ST6GALNAC1: variants seen among roughly 807,000 people sequenced by gnomAD.
ST6GALNAC1 encodes ST6 N-acetylgalactosaminide alpha-2,6-sialyltransferase 1, also known as alpha-N-acetylgalactosaminide alpha-2,6-sialyltransferase 1.
A neutral mutation model predicts 56.8 loss-of-function variants in ST6GALNAC1; 45 were observed. The ratio of observed to expected loss-of-function variants is 0.79; its 90% CI spans 0.62 to 1.02. ST6GALNAC1 has a LOEUF of 1.02. Among genes scored for constraint, ST6GALNAC1 ranks in the 50% least tolerant of loss-of-function variants. ST6GALNAC1 has a pLI of 0.00. For missense variants in ST6GALNAC1, 743 were observed against 754.8 expected (o/e 0.98, Z 0.18); for synonymous variants, 295 against 297.8 (o/e 0.99, Z 0.10).
intron 1 of ST6GALNAC1, among the ~76,000 whole-genome samples, chr17:76,633,989 A>G (rs2075942801): frequency 6.6e-6 from 1 of 152,228 alleles, no homozygotes. Flanking sequence ...AAAATACCCC[A>G]AGGAAAGGTC....
At chr17:76,636,820 G>T (rs866745114) in intron 1 of ST6GALNAC1, among the ~76,000 whole-genome samples, 1 of 151,970 alleles carries the variant, frequency 6.6e-6, no homozygotes, top group Non-Finnish European at 1.5e-5. Flanking sequence ...CGGTTTTGTC[G>T]AATAGAAAAG....
At chr17:76,626,120 G>A in intron 6 of ST6GALNAC1, 25 bp from the exon 7 acceptor site, 1 of 1,611,846 alleles carries the variant, frequency 6.2e-7, no homozygotes, top group Non-Finnish European at 8.5e-7. Flanking sequence ...GGGTCATTCA[G>A]ACTCAGCTCC....
chr17:76,621,943 C>CT (rs71158041), downstream of ST6GALNAC1, among the ~76,000 whole-genome samples: 85,771 of 137,836 alleles, frequency 0.62, 27,714 homozygotes, highest in South Asian at 0.76. Context: ...TCTTTCTTTT[C>CT]TTTTTTTTTT....
At chr17:76,634,324 A>T (rs935227524) in intron 1 of ST6GALNAC1, among the ~76,000 whole-genome samples, 12 of 152,106 alleles carry the variant, frequency 7.9e-5, no homozygotes, top group Non-Finnish European at 1.5e-4. Context: ...CACAGCTTTG[A>T]TGCTGCTTCT....
chr17:76,629,253 G>C lies in ST6GALNAC1; in HGVS notation c.590C>G (p.Pro197Arg). 6.2e-7 allele frequency: 1 copy of C among 1,614,152 alleles called. No individual in the cohort carries two copies. Among genetic ancestry groups the C allele is most frequent in the Non-Finnish European group, 8.5e-7 (1 of 1,180,036 alleles). The change falls in exon 2 of 9, where the codon CCC becomes CGC. Residue 197 changes from proline to arginine, a missense_variant. Pro to Arg is a moderately radical substitution (Grantham distance 103). Coordinates refer to ENST00000156626, the MANE Select transcript of ST6GALNAC1 (RefSeq NM_018414.5). Reference sequence around the variant, plus strand: ...AGCCAGCATTCTGTGCTGACTTTTGGGAATGAGCGTCTTGGCTGTGGTTGC... The same window carrying C: ...AGCCAGCATTCTGTGCTGACTTTTGCGAATGAGCGTCTTGGCTGTGGTTGC... ...KAATTAKTLI[P>R]KSQHRMLAPT...
At chr17:76,632,948 A>G (rs73352092) in intron 1 of ST6GALNAC1, among the ~76,000 whole-genome samples, 16,984 of 152,252 alleles carry the variant, frequency 0.11, 1,110 homozygotes, top group African/African-American at 0.17. Flanking sequence ...GCTCATGCCT[A>G]TAGAGCCAGC....
intron 1 of ST6GALNAC1, among the ~76,000 whole-genome samples, chr17:76,632,983 A>G (rs1311807613): frequency 2.6e-5 from 4 of 152,214 alleles, no homozygotes; most frequent in African/African-American, 9.7e-5. Flanking sequence ...AGGCGGGCAG[A>G]TCACCTGAGG....
In ST6GALNAC1 at chr17:76,625,878, T is replaced by G; in HGVS notation, c.1546A>C (p.Ile516Leu). ...AGGGCCCCAGTGGTGGGGCGGTATA[T>G]CCTCCAGTGGGCACCATCCAGGGTC... is the stretch of plus-strand genomic sequence containing the variant. ...SKTLDGAHWR[I>L]YRPTTGALLL... Residue 516 changes from isoleucine to leucine, a missense_variant, in exon 8 of 9, where the codon ATA becomes CTA. Coordinates refer to ENST00000156626, the MANE Select transcript of ST6GALNAC1 (RefSeq NM_018414.5). 6.4e-7 allele frequency: 1 copy of G among 1,558,782 alleles called. No homozygotes were observed. The highest frequency in any genetic ancestry group is 1.4e-5 in the African/African-American group (1 of 73,216).
downstream of ST6GALNAC1, among the ~76,000 whole-genome samples, chr17:76,622,200 T>A (rs967476021): frequency 2.9e-4 from 44 of 150,550 alleles, no homozygotes; most frequent in African/African-American, 4.4e-4. Context: ...ATATATATAT[T>A]TTTGCCTATT....
At position 76,629,322 on chromosome 17, in the gene ST6GALNAC1, A is replaced by T. The variant is rs770360978; in HGVS notation, c.521T>A (p.Leu174Gln). 5 of 1,614,056 alleles carry T rather than the reference A, an allele frequency of 3.1e-6. No homozygotes were observed. The South Asian group carries it at 5.5e-5, about 18-fold the overall frequency. Reference protein sequence around the residue: ...TQGNGGQTRKLTASRTVSEKH... With the variant: ...TQGNGGQTRKQTASRTVSEKH... ...CTCTGACACCGTCCTGGAGGCCGTCAGCTTCCTGGTCTGGCCCCCATTTCC... is the reference window on the plus strand; with the variant it reads ...CTCTGACACCGTCCTGGAGGCCGTCTGCTTCCTGGTCTGGCCCCCATTTCC... Residue 174 changes from leucine to glutamine, a missense_variant, in exon 2 of 9, where the codon CTG becomes CAG. Transcript: ENST00000156626.
At chr17:76,621,182 C>CCTTTTTTTTT (rs1555633321), downstream of ST6GALNAC1, among the ~76,000 whole-genome samples, 3 of 105,324 alleles carry the variant, frequency 2.8e-5, no homozygotes, top group African/African-American at 1.0e-4. Context: ...TTCTTTCTTT[C>CCTTTTTTTTT]TTTCTTTTTT....
chr17:76,629,931 C>T (rs528475124), intron 1 of ST6GALNAC1, among the ~76,000 whole-genome samples: 126 of 151,808 alleles, frequency 8.3e-4, no homozygotes, highest in Non-Finnish European at 4.6e-4. Context: ...TACAGGCACC[C>T]GCCACCATGC....
At chr17:76,626,839 T>A (rs1317572006) in intron 4 of ST6GALNAC1, 50 bp from the exon 5 acceptor site, 1 of 1,604,756 alleles carries the variant, frequency 6.2e-7, no homozygotes, top group East Asian at 2.2e-5. Flanking sequence ...AGGAGGGAGA[T>A]TTGTGTAGGT....
At chr17:76,626,866 G>A (rs1462551905) in intron 4 of ST6GALNAC1, 77 bp from the exon 5 acceptor site, 13 of 1,573,704 alleles carry the variant, frequency 8.3e-6, no homozygotes, top group Non-Finnish European at 7.0e-6. Context: ...GGAAAGGAAG[G>A]AGAAATGGGG....
downstream of ST6GALNAC1, among the ~76,000 whole-genome samples, chr17:76,622,439 A>T (rs192932172): frequency 6.6e-6 from 1 of 152,180 alleles, no homozygotes; most frequent in East Asian, 1.9e-4. Context: ...ATCTTGGCTC[A>T]CTGCAACCTC....
chr17:76,632,735 T>C (rs1185608489), intron 1 of ST6GALNAC1, among the ~76,000 whole-genome samples: 1 of 152,186 alleles, frequency 6.6e-6, no homozygotes, highest in South Asian at 2.1e-4. Flanking sequence ...CGTTCGGCCC[T>C]GTGTGGTCCT....
intron 1 of ST6GALNAC1, among the ~76,000 whole-genome samples, chr17:76,631,538 G>T (rs775849533): frequency 7.9e-5 from 12 of 152,142 alleles, no homozygotes; most frequent in Admixed American, 1.3e-4. Flanking sequence ...GGGGGGGCTT[G>T]GAACCAGGAA....
chr17:76,623,947 C>T (rs2075764320), downstream of ST6GALNAC1, among the ~76,000 whole-genome samples: 1 of 152,216 alleles, frequency 6.6e-6, no homozygotes, highest in Admixed American at 6.5e-5. Flanking sequence ...TGATGTCCAC[C>T]CTGTCAAAGT....
chr17:76,641,224 T>G (rs2076043914), intron 1 of ST6GALNAC1, among the ~76,000 whole-genome samples: 1 of 152,196 alleles, frequency 6.6e-6, no homozygotes, highest in South Asian at 2.1e-4. Flanking sequence ...CACGAAATGC[T>G]TAAAAGGTAA....
Sources: gnomAD v4.1 joint callset for allele counts (sites outside exome capture counted in the v4.1 genomes callset) on GRCh38, gnomAD v4.1.1 for gene constraint, MANE v1.5 for transcripts, NCBI Gene and HGNC (gene_info 2026-07-23, HGNC 2026-07-21) for gene names.